Variants in STX2 observed in about 807,000 individuals in gnomAD.
STX2 encodes the protein syntaxin-2.
In STX2, 27 loss-of-function variants were observed where a neutral mutation model predicts 40.6. The ratio of observed to expected loss-of-function variants is 0.66; its 90% CI spans 0.49 to 0.92. The LOEUF (loss-of-function observed/expected upper bound fraction) is 0.92. STX2 is among the 40% of genes least tolerant of loss of function. The pLI, the probability that STX2 is intolerant of heterozygous loss-of-function variation, is 0.00. For missense variants in STX2, 328 were observed against 366.1 expected (o/e 0.90, Z 0.85); for synonymous variants, 123 against 119.1 (o/e 1.03, Z -0.22).
intron 3 of STX2, among the ~76,000 whole-genome samples, chr12:130,820,670 TA>T (rs578084752): frequency 3.7e-4 from 52 of 141,604 alleles, no homozygotes; most frequent in South Asian, 6.7e-4. Context: ...CGTCTCAAAA[TA>T]AAAAAAAAAA....
chr12:130,822,843 C>T (rs1436327939), intron 2 of STX2, among the ~76,000 whole-genome samples: 1 of 152,158 alleles, frequency 6.6e-6, no homozygotes, highest in South Asian at 2.1e-4. Flanking sequence ...ATAAATAACT[C>T]GCAAAAGCTT....
rs139254796 is a variant in STX2 at position 130,804,848 on chromosome 12, G to A, written c.463+2134C>T. On this transcript the variant is annotated intron_variant, in intron 6 of 10. Coordinates refer to ENST00000392373, the MANE Select transcript of STX2 (RefSeq NM_194356.4). ...CACTTTCACAAACAGTACTGCATTC[G>A]ATAGAGTATGATTGCAAGAGAAGAA... 8.4e-4 allele frequency among the ~76,000 whole-genome samples: 128 copies of A among 152,246 alleles called. 1 individual carries two copies. Among genetic ancestry groups the A allele is most frequent in the East Asian group, 3.3e-3 (17 of 5,182 alleles).
chr12:130,821,657 CA>C, intron 3 of STX2, 31 bp downstream of exon 3: 1 of 1,562,510 alleles, frequency 6.4e-7, no homozygotes, highest in East Asian at 2.2e-5. Context: ...CACAGACAGA[CA>C]AACGTTTTGT....
intron 3 of STX2, among the ~76,000 whole-genome samples, chr12:130,818,296 A>C (rs1246051173): frequency 6.9e-6 from 1 of 144,458 alleles, no homozygotes; most frequent in Admixed American, 6.9e-5. Context: ...GTCTGAGCCC[A>C]GGAGGCTGAG....
At chr12:130,836,639 T>C (rs7299469) in intron 1 of STX2, among the ~76,000 whole-genome samples, 25,648 of 152,176 alleles carry the variant, frequency 0.17, 2,789 homozygotes, top group Non-Finnish European at 0.23. Flanking sequence ...CACTTATAAT[T>C]ACATAGCACT....
rs780333236 is a variant in STX2 at position 130,798,610 on chromosome 12, C to G, written c.701G>C (p.Arg234Thr). ...ATAGTCTGTGGCATTCATAACATTT[C>G]TTTCTATGTTGTTGATCATTTCACC... ...TQGEMINNIE[R>T]NVMNATDYVE... The change falls in exon 9 of 11, where the codon AGA (arginine) becomes ACA (threonine). Residue 234 changes from arginine to threonine, a missense_variant. Physicochemically the swap from Arg to Thr is moderately conservative, Grantham distance 71. Coordinates refer to ENST00000392373, the MANE Select transcript of STX2 (RefSeq NM_194356.4). 1 of 1,596,830 alleles carries G rather than the reference C, an allele frequency of 6.3e-7. No individual in the cohort carries two copies. Among genetic ancestry groups the G allele is most frequent in the Non-Finnish European group, 8.5e-7 (1 of 1,174,690 alleles).
intron 10 of STX2, among the ~76,000 whole-genome samples, chr12:130,793,159 C>G (rs571217235): frequency 6.6e-6 from 1 of 152,164 alleles, no homozygotes; most frequent in Non-Finnish European, 1.5e-5. Flanking sequence ...TATCAAGAGG[C>G]GCATGGCAGG....
chr12:130,817,783 A>G (rs1284335563), intron 3 of STX2, among the ~76,000 whole-genome samples: 1 of 152,232 alleles, frequency 6.6e-6, no homozygotes, highest in African/African-American at 2.4e-5. Flanking sequence ...GTGGTGAAAG[A>G]AAACAACTTC....
At position 130,791,966 on chromosome 12, in the gene STX2, G is replaced by A; in HGVS notation, c.*57C>T. Reference sequence around the variant, plus strand: ...GCAAAACAATTACACAAATAATAATGAACATCAATTTCTGCAAGATAAAGA... The same window carrying A: ...GCAAAACAATTACACAAATAATAATAAACATCAATTTCTGCAAGATAAAGA... On this transcript the variant is annotated 3_prime_UTR_variant, in exon 11 of 11. Coordinates refer to ENST00000392373, the MANE Select transcript of STX2 (RefSeq NM_194356.4). The A allele has an allele frequency of 6.2e-7, 1 of 1,602,634 alleles. No homozygotes were observed. Among genetic ancestry groups the A allele is most frequent in the Non-Finnish European group, 8.5e-7 (1 of 1,172,450 alleles).
rs549721340 is a variant in STX2 at position 130,826,066 on chromosome 12, C to T, written c.105+1127G>A. Among the ~76,000 whole-genome samples the T allele has an allele frequency of 5.3e-5, 8 of 152,246 alleles. 1 individual carries two copies. The highest frequency in any genetic ancestry group is 1.3e-4 in the Admixed American group (2 of 15,298). On this transcript the variant is annotated intron_variant, in intron 2 of 10. Coordinates refer to ENST00000392373, the MANE Select transcript of STX2 (RefSeq NM_194356.4). ...AGATAGGATCCCAGCACCGCCAGGC[C>T]GCCACATTTTAAAATATCAGCCACT...
chr12:130,818,181 A>ATATATATATATATATAT (rs1555222320), intron 3 of STX2, among the ~76,000 whole-genome samples: 3 of 20,176 alleles, frequency 1.5e-4, no homozygotes, highest in African/African-American at 3.6e-4. Flanking sequence ...AAAAAAAAAA[A>ATATATATATATATATAT]AAAAATATAT....
intron 1 of STX2, among the ~76,000 whole-genome samples, chr12:130,829,691 G>A (rs1024441120): frequency 9.2e-5 from 14 of 152,206 alleles, no homozygotes; most frequent in Admixed American, 5.2e-4. Flanking sequence ...AGCTGGGCAC[G>A]GGGTCTCACT....
chr12:130,823,531 T>C (rs1396872163), intron 2 of STX2, among the ~76,000 whole-genome samples: 1 of 152,186 alleles, frequency 6.6e-6, no homozygotes. Flanking sequence ...GAGCCAACGT[T>C]GGAAGAAGGA....
At chr12:130,793,593 GTCA>G (rs1224939924) in intron 10 of STX2, among the ~76,000 whole-genome samples, 1 of 152,240 alleles carries the variant, frequency 6.6e-6, no homozygotes, top group African/African-American at 2.4e-5. Flanking sequence ...GGACTCAGGA[GTCA>G]TCTAATCTCC....
intron 6 of STX2, among the ~76,000 whole-genome samples, chr12:130,805,497 A>G (rs1196889181): frequency 1.3e-5 from 2 of 152,194 alleles, no homozygotes; most frequent in Non-Finnish European, 2.9e-5. Context: ...GAGAGATGAG[A>G]GAGATGCAGA....
intron 8 of STX2, 72 bp downstream of exon 8, chr12:130,801,081 A>ACAGAGTGGGATGCAGT (rs1304636056): frequency 6.6e-7 from 1 of 1,505,824 alleles, no homozygotes; most frequent in African/African-American, 1.4e-5. Context: ...CATCCACTAG[A>ACAGAGTGGGATGCAGT]CAGAGTGGGA....
intron 3 of STX2, among the ~76,000 whole-genome samples, chr12:130,820,702 T>C (rs552731445): frequency 6.6e-6 from 1 of 151,928 alleles, no homozygotes; most frequent in South Asian, 2.1e-4. Context: ...AAAAATAAAG[T>C]ACATACGACT....
chr12:130,807,231 T>A (rs1951469897), intron 5 of STX2, 141 bp from the exon 6 acceptor site: 1 of 761,886 alleles, frequency 1.3e-6, no homozygotes, highest in Admixed American at 2.4e-5. Flanking sequence ...AAAGTCCCCA[T>A]GGCAGCATCT....
chr12:130,802,201 G>C (rs1303223536), intron 6 of STX2, among the ~76,000 whole-genome samples: 1 of 152,152 alleles, frequency 6.6e-6, no homozygotes, highest in Non-Finnish European at 1.5e-5. Context: ...TTTGGTTTTT[G>C]TCGCTTTGTT....
Sources: allele counts gnomAD v4.1 joint callset (sites outside exome capture counted in the v4.1 genomes callset), GRCh38; gene constraint gnomAD v4.1.1; transcripts MANE v1.5; gene names NCBI Gene and HGNC (gene_info 2026-07-23, HGNC 2026-07-21).